PPP1R10: variants seen among roughly 807,000 people sequenced by gnomAD.
PPP1R10 encodes protein phosphatase 1 regulatory subunit 10.
Under a neutral mutation model 99.0 loss-of-function variants are expected in PPP1R10, and 15 were observed. The ratio of observed to expected loss-of-function variants is 0.15; its 90% CI spans 0.10 to 0.23. The LOEUF (loss-of-function observed/expected upper bound fraction) is 0.23. PPP1R10 is among the 10% of genes least tolerant of loss of function. PPP1R10 has a pLI of 1.00. For synonymous variants in PPP1R10, 430 were observed against 449.5 expected, an observed-to-expected ratio of 0.96 and a Z score of 0.55; for missense variants, 947 against 1,259.4, an observed-to-expected ratio of 0.75 and a Z score of 3.75.
rs193202613 is a variant in PPP1R10, at chr6:30,603,758, T to C, written c.1572+22A>G. 844 of 1,543,552 alleles carry C rather than the reference T, an allele frequency of 5.5e-4. 8 individuals are homozygous for C. In the Admixed American group the frequency reaches 0.016, roughly 29 times the overall value. Reference sequence around the variant, plus strand: ...AATTCAATGACCATCACAACTTCCATCATCACAGAACATTGACTTACCTCA... The same window carrying C: ...AATTCAATGACCATCACAACTTCCACCATCACAGAACATTGACTTACCTCA... On this transcript the variant is annotated intron_variant, in intron 15 of 19. Coordinates refer to ENST00000376511, the MANE Select transcript of PPP1R10 (RefSeq NM_002714.4).
In PPP1R10 at chr6:30,601,519, G is replaced by T; in HGVS notation, c.*30C>A. 2 of 1,571,162 alleles carry T rather than the reference G, an allele frequency of 1.3e-6. No individual in the cohort carries two copies. Among genetic ancestry groups the T allele is most frequent in the South Asian group, 2.2e-5 (2 of 90,130 alleles). On this transcript the variant is annotated 3_prime_UTR_variant, in exon 20 of 20. Coordinates refer to ENST00000376511, the MANE Select transcript of PPP1R10 (RefSeq NM_002714.4). The stretch of plus-strand genomic sequence containing the variant: ...AAAGAGCGAGGCTGCAGTCCACAGG[G>T]GTTGTGTGAACAGGGCAGGCAAATG...
rs781353477 is a variant in PPP1R10 at position 30,604,265 on chromosome 6, G to C, written c.1262-11C>G. The stretch of plus-strand genomic sequence containing the variant: ...TCTTATTCACATTTACTGTCGGCAG[G>C]GGAAGAAAAGCAAGAGGGAAAGTAA... On this transcript the variant is annotated splice_polypyrimidine_tract_variant and intron_variant, in intron 13 of 19. Coordinates refer to ENST00000376511, the MANE Select transcript of PPP1R10 (RefSeq NM_002714.4). This position sits in a 1 kb window ranked among gnomAD's most constrained non-coding sequence, Gnocchi z 7.3. 6.2e-7 allele frequency: 1 copy of C among 1,613,862 alleles called. No individual in the cohort carries two copies. The highest frequency in any genetic ancestry group is 8.5e-7 in the Non-Finnish European group (1 of 1,179,802).
At chr6:30,608,018 T>G in intron 5 of PPP1R10, 127 bp from the exon 6 acceptor site, 1 of 963,948 alleles carries the variant, frequency 1.0e-6, no homozygotes, top group East Asian at 2.6e-5. Context: ...AGACGGAGTC[T>G]CACTCTGTTG....
chr6:30,602,986 G>C lies in PPP1R10; in HGVS notation c.1844-27C>G. 1.3e-6 allele frequency: 2 copies of C among 1,510,154 alleles called. No individual in the cohort carries two copies. The highest frequency in any genetic ancestry group is 1.8e-6 in the Non-Finnish European group (2 of 1,120,144). 93.5% of individuals were successfully genotyped at this position (1,510,154 alleles called of 1,614,324 possible). On this transcript the variant is annotated intron_variant, in intron 17 of 19. Transcript: ENST00000376511. This position sits in a 1 kb window ranked among gnomAD's most constrained non-coding sequence, Gnocchi z 6.7. ...TGTTAATGAAAACAAGAGTAACACAGCATGAGCACTCTAGAAGACTAGCAT... is the reference window on the plus strand; with the variant it reads ...TGTTAATGAAAACAAGAGTAACACACCATGAGCACTCTAGAAGACTAGCAT...
At chr6:30,608,004 T>C (rs1804133431) in intron 5 of PPP1R10, 113 bp from the exon 6 acceptor site, 5 of 1,124,726 alleles carry the variant, frequency 4.4e-6, no homozygotes, top group Admixed American at 4.5e-5. Flanking sequence ...TTTTTTATTT[T>C]TTGAGACGGA....
intron 2 of PPP1R10, among the ~76,000 whole-genome samples, chr6:30,615,106 A>G (rs1017371775): frequency 6.6e-6 from 1 of 152,144 alleles, no homozygotes; most frequent in Non-Finnish European, 1.5e-5. Flanking sequence ...TCAGGATGGC[A>G]AAAGGGGGAG....
Position 30,604,820 on chromosome 6 carries a change from C to T in PPP1R10, c.955-85G>A, listed in dbSNP as rs966031039. ...GTCCAGGGTCCCAGGCACAGTCCCC[C>T]AACAGTTCCTATATAAAGGAAGACT... On this transcript the variant is annotated intron_variant, in intron 11 of 19. Coordinates refer to ENST00000376511, the MANE Select transcript of PPP1R10 (RefSeq NM_002714.4). The surrounding 1 kb of genome is among the most constrained non-coding windows in gnomAD (Gnocchi z 7.3). 119 of 1,578,852 alleles carry T rather than the reference C, an allele frequency of 7.5e-5. No homozygotes were observed. Among genetic ancestry groups the T allele is most frequent in the Non-Finnish European group, 7.0e-6 (8 of 1,150,108 alleles).
At position 30,604,898 on chromosome 6, in the gene PPP1R10, C is replaced by T. The variant is rs751373986; in HGVS notation, c.954+96G>A. On this transcript the variant is annotated intron_variant, in intron 11 of 19. Coordinates refer to ENST00000376511, the MANE Select transcript of PPP1R10 (RefSeq NM_002714.4). The surrounding 1 kb of genome is among the most constrained non-coding windows in gnomAD (Gnocchi z 7.3). ...AGTCTATATCCAAGGCAAAACGCCTCTTGTTGTCCTCCCCGACAACTCCTA... is the reference window on the plus strand; with the variant it reads ...AGTCTATATCCAAGGCAAAACGCCTTTTGTTGTCCTCCCCGACAACTCCTA... The T allele has an allele frequency of 1.3e-6, 2 of 1,514,692 alleles. No homozygotes were observed. The highest frequency in any genetic ancestry group is 2.2e-5 in the South Asian group (2 of 88,916). 93.8% of individuals were successfully genotyped at this position (1,514,692 alleles called of 1,614,324 possible).
In PPP1R10 at chr6:30,604,734, G is replaced by C. The variant is rs147263099; in HGVS notation, c.956C>G (p.Pro319Arg). The C allele has an allele frequency of 6.2e-7, 1 of 1,612,988 alleles. No individual in the cohort carries two copies. The highest frequency in any genetic ancestry group is 8.5e-7 in the Non-Finnish European group (1 of 1,180,012). Residue 319 changes from proline (P) to arginine (R), a missense_variant and splice_region_variant, in exon 12 of 20, where the codon CCA becomes CGA. Physicochemically the swap from Pro to Arg is moderately radical, Grantham distance 103. This residue lies in a region of PPP1R10 where 26 missense variants were observed against 56.6 expected (regional missense o/e 0.46). Coordinates refer to ENST00000376511, the MANE Select transcript of PPP1R10 (RefSeq NM_002714.4). This position sits in a 1 kb window ranked among gnomAD's most constrained non-coding sequence, Gnocchi z 7.3. Reference sequence around the variant, plus strand: ...GCTCGTTTTCCCTTCAAAGGGGCTTGGCTATTGTGAAAGAAAAGGAAGTTA... The same window carrying C: ...GCTCGTTTTCCCTTCAAAGGGGCTTCGCTATTGTGAAAGAAAAGGAAGTTA... ...KKVLSPTAAK[P>R]SPFEGKTSTE...
intron 2 of PPP1R10, among the ~76,000 whole-genome samples, chr6:30,616,146 C>T (rs1760504578): frequency 6.6e-6 from 1 of 152,202 alleles, no homozygotes; most frequent in Non-Finnish European, 1.5e-5. Flanking sequence ...AGGAAGGTAA[C>T]CATTCCTCCT....
intron 2 of PPP1R10, among the ~76,000 whole-genome samples, chr6:30,615,225 T>C (rs1760339970): frequency 6.9e-6 from 1 of 145,112 alleles, no homozygotes; most frequent in Non-Finnish European, 1.5e-5. Flanking sequence ...AAACACCTTT[T>C]TAGTAAAAAA....
intron 14 of PPP1R10, 54 bp downstream of exon 14, chr6:30,603,954 C>G: frequency 6.5e-7 from 1 of 1,538,964 alleles, no homozygotes; most frequent in Non-Finnish European, 8.7e-7. Flanking sequence ...CTCATGTTCC[C>G]TCAGGAGTGT....
In PPP1R10 at chr6:30,606,370, T is replaced by C; in HGVS notation, c.634+98A>G. Reference sequence around the variant, plus strand: ...AGCTTCCTCTGCTAGTCTTCCCTCTTCCTTACGATTAACATACCACACATC... The same window carrying C: ...AGCTTCCTCTGCTAGTCTTCCCTCTCCCTTACGATTAACATACCACACATC... On this transcript the variant is annotated intron_variant, in intron 8 of 19. Transcript: ENST00000376511. This position sits in a 1 kb window ranked among gnomAD's most constrained non-coding sequence, Gnocchi z 6.3. 1 of 1,573,892 alleles carries C rather than the reference T, an allele frequency of 6.4e-7. No homozygotes were observed. The highest frequency in any genetic ancestry group is 1.1e-5 in the South Asian group (1 of 87,680).
chr6:30,607,418 T>C (rs1804065161), intron 6 of PPP1R10, among the ~76,000 whole-genome samples: 1 of 152,254 alleles, frequency 6.6e-6, no homozygotes. Context: ...TTTCCTTTTG[T>C]ACTTGGCAAA....
rs772594838 is a variant in PPP1R10 at position 30,604,758 on chromosome 6, T to G, written c.955-23A>C. 1.9e-6 allele frequency: 3 copies of G among 1,612,786 alleles called. No individual in the cohort carries two copies. ...TGGCTATTGTGAAAGAAAAGGAAGTTAATGAACTGACTGGAAAGCCAAGGG... is the reference window on the plus strand; with the variant it reads ...TGGCTATTGTGAAAGAAAAGGAAGTGAATGAACTGACTGGAAAGCCAAGGG... On this transcript the variant is annotated intron_variant, in intron 11 of 19. Coordinates refer to ENST00000376511, the MANE Select transcript of PPP1R10 (RefSeq NM_002714.4). This position sits in a 1 kb window ranked among gnomAD's most constrained non-coding sequence, Gnocchi z 7.3.
chr6:30,604,187 T>C lies in PPP1R10; in HGVS notation c.1329A>G (p.Ala443=), dbSNP rs377541246. 3.1e-6 allele frequency: 5 copies of C among 1,614,048 alleles called. No individual in the cohort carries two copies. Among genetic ancestry groups the C allele is most frequent in the Non-Finnish European group, 3.4e-6 (4 of 1,180,044 alleles). ...GGCTCAGACGCCGCGCTGTCTCAAA[T>C]GCATGTCGGTCTGACAGTATCTCTC... ...AKREILSDRH[A]FETARRLSHD... Residue 443 remains alanine, a synonymous_variant, in exon 14 of 20, where the codon GCA becomes GCG. Coordinates refer to ENST00000376511, the MANE Select transcript of PPP1R10 (RefSeq NM_002714.4). The surrounding 1 kb of genome is among the most constrained non-coding windows in gnomAD (Gnocchi z 7.3).
Position 30,604,327 on chromosome 6 carries a change from C to T in PPP1R10, c.1261+26G>A, listed in dbSNP as rs1803691632. ...TCCTTTCAAAATCCCTTAAACACAC[C>T]TATTACGTAGGAAATGACCTCTTAC... is the stretch of plus-strand genomic sequence containing the variant. On this transcript the variant is annotated intron_variant, in intron 13 of 19. Transcript: ENST00000376511. The surrounding 1 kb of genome is among the most constrained non-coding windows in gnomAD (Gnocchi z 7.3). 40 of 1,614,066 alleles carry T rather than the reference C, an allele frequency of 2.5e-5. No homozygotes were observed. Among genetic ancestry groups the T allele is most frequent in the Non-Finnish European group, 3.3e-5 (39 of 1,179,942 alleles).
chr6:30,602,912 G>T lies in PPP1R10; in HGVS notation c.1891C>A (p.Pro631Thr). Residue 631 changes from proline to threonine, a missense_variant, in exon 18 of 20, where the codon CCA (proline) becomes ACA (threonine). Physicochemically the swap from Pro to Thr is conservative, Grantham distance 38 (BLOSUM62 -1). Coordinates refer to ENST00000376511, the MANE Select transcript of PPP1R10 (RefSeq NM_002714.4). The surrounding 1 kb of genome is among the most constrained non-coding windows in gnomAD (Gnocchi z 6.7). ...CCCTTGGGGCCCCCAGGACCCCCTG[G>T]TGGGAAACCATTGGCTATTGGGCCA... ...GPGPIANGFP[P>T]GGPGGPKGMQ... The T allele has an allele frequency of 6.4e-7, 1 of 1,555,330 alleles. No homozygotes were observed. Among genetic ancestry groups the T allele is most frequent in the South Asian group, 1.2e-5 (1 of 84,552 alleles).
Position 30,602,301 on chromosome 6 carries a change from G to A in PPP1R10, c.2348C>T (p.Pro783Leu), listed in dbSNP as rs749604794. The A allele has an allele frequency of 8.7e-6, 14 of 1,611,786 alleles. No individual in the cohort carries two copies. The highest frequency in any genetic ancestry group is 1.2e-5 in the Non-Finnish European group (14 of 1,179,542). The change falls in exon 19 of 20, where the codon CCC (proline) becomes CTC (leucine). Residue 783 changes from proline to leucine, a missense_variant. Transcript: ENST00000376511. This position sits in a 1 kb window ranked among gnomAD's most constrained non-coding sequence, Gnocchi z 6.7. ...CATGCTACCACCAGGGCCTTCATGG[G>A]GGCGATGCCCACTTCCCATGCCACC... Reference protein sequence around the residue: ...PGGGMGSGHRPHEGPGGSMGG... With the variant: ...PGGGMGSGHRLHEGPGGSMGG...
Sources: allele counts gnomAD v4.1 joint callset (sites outside exome capture counted in the v4.1 genomes callset), GRCh38; gene constraint gnomAD v4.1.1; regional missense constraint gnomAD v4.1.1; non-coding constraint Gnocchi (gnomAD v3.1); transcripts MANE v1.5; gene names NCBI Gene and HGNC (gene_info 2026-07-23, HGNC 2026-07-21).